Variants in INVS observed in about 807,000 individuals in gnomAD.
INVS encodes the protein inversion of embryo turning homolog.
INVS carries 86 observed loss-of-function variants against 108.8 expected under a neutral mutation model. That is an observed-to-expected ratio of 0.79 (90% CI 0.66 to 0.95). The LOEUF (loss-of-function observed/expected upper bound fraction) is 0.95. Among genes scored for constraint, INVS ranks in the 40% least tolerant of loss-of-function variants. INVS has a pLI of 0.00. For missense variants in INVS, 1,169 were observed against 1,297.4 expected, an observed-to-expected ratio of 0.90 and a Z score of 1.52; for synonymous variants, 455 against 473.5, an observed-to-expected ratio of 0.96 and a Z score of 0.51.
chr9:100,168,607 A>T (rs1268169469), intron 3 of INVS, among the ~76,000 whole-genome samples: 1 of 152,074 alleles, frequency 6.6e-6, no homozygotes, highest in Admixed American at 6.5e-5. Flanking sequence ...GATTGAGAAT[A>T]GGGAGGGTGG....
chr9:100,259,607 G>C (rs1832545015), intron 10 of INVS, among the ~76,000 whole-genome samples: 1 of 135,660 alleles, frequency 7.4e-6, no homozygotes, highest in African/African-American at 2.8e-5. Context: ...GTGCAATCTT[G>C]GCTCACTGCA....
At chr9:100,171,804 T>C (rs1829551611) in intron 3 of INVS, among the ~76,000 whole-genome samples, 1 of 152,184 alleles carries the variant, frequency 6.6e-6, no homozygotes, top group East Asian at 1.9e-4. Context: ...CATCTCTTTC[T>C]TTTCTCTGAT....
intron 4 of INVS, among the ~76,000 whole-genome samples, chr9:100,227,521 A>G (rs1212763428): frequency 1.3e-5 from 2 of 152,156 alleles, no homozygotes; most frequent in African/African-American, 4.8e-5. Flanking sequence ...AGAACAGCAG[A>G]AGAGATTTTA....
Position 100,300,922 on chromosome 9 carries a change from C to T in INVS, c.*248C>T, listed in dbSNP as rs771146461. 13 of 533,618 alleles carry T rather than the reference C, an allele frequency of 2.4e-5. No individual in the cohort carries two copies. The highest frequency in any genetic ancestry group is 3.7e-5 in the Non-Finnish European group (11 of 296,138). 33.1% of individuals were successfully genotyped at this position (533,618 alleles called of 1,614,324 possible). A position where few individuals can be genotyped will look rare whatever the true frequency, so the allele number is the denominator to read the frequency against. On this transcript the variant is annotated 3_prime_UTR_variant, in exon 17 of 17. Transcript: ENST00000262457. ...GCATAGACTATGTCTGTGCAAAGTG[C>T]CTGAGTGTCTGCTTTCACCTCAGTC...
intron 10 of INVS, among the ~76,000 whole-genome samples, chr9:100,259,059 C>A (rs968929644): frequency 6.6e-6 from 1 of 152,144 alleles, no homozygotes; most frequent in Non-Finnish European, 1.5e-5. Context: ...CTGCGGTGGG[C>A]TCCACCCAGT....
intron 2 of INVS, 133 bp from the exon 3 acceptor site, chr9:100,126,250 T>C: frequency 1.3e-6 from 1 of 748,004 alleles, no homozygotes; most frequent in South Asian, 1.7e-5. Context: ...TATCTACTTC[T>C]TAGGACAAGT....
In INVS at chr9:100,210,779, A is replaced by G. The variant is rs568755891; in HGVS notation, c.274-15283A>G. On this transcript the variant is annotated intron_variant, in intron 3 of 16. Coordinates refer to ENST00000262457, the MANE Select transcript of INVS (RefSeq NM_014425.5). ...AAAATAACCATTGAATGTTGAATGAATGGTTTAATTAGGTCAGTGCTTCTC... is the reference window on the plus strand; with the variant it reads ...AAAATAACCATTGAATGTTGAATGAGTGGTTTAATTAGGTCAGTGCTTCTC... Among the ~76,000 whole-genome samples, 20 of 152,280 alleles carry G rather than the reference A, an allele frequency of 1.3e-4. No homozygotes were observed. The East Asian group carries it at 3.7e-3, about 28-fold the overall frequency.
chr9:100,157,291 G>C (rs1325030708), intron 3 of INVS, among the ~76,000 whole-genome samples: 9 of 98,078 alleles, frequency 9.2e-5, no homozygotes, highest in Admixed American at 7.7e-4. Context: ...TTGAGGCAGA[G>C]TCTCACACTG....
chr9:100,162,291 G>C (rs2119015342), intron 3 of INVS, among the ~76,000 whole-genome samples: 1 of 152,278 alleles, frequency 6.6e-6, no homozygotes, highest in East Asian at 1.9e-4. Context: ...AAGTGGCTTA[G>C]ATGACAAGCA....
At chr9:100,254,692 G>GT (rs1832355587) in intron 10 of INVS, among the ~76,000 whole-genome samples, 1 of 152,250 alleles carries the variant, frequency 6.6e-6, no homozygotes, top group African/African-American at 2.4e-5. Flanking sequence ...CCCATTGCTT[G>GT]TTTTTGTCAG....
At chr9:100,224,059 A>C (rs1831229910) in intron 3 of INVS, among the ~76,000 whole-genome samples, 1 of 152,226 alleles carries the variant, frequency 6.6e-6, no homozygotes, top group Non-Finnish European at 1.5e-5. Context: ...ACAAAAAAAA[A>C]CACGCAAAAA....
rs769810980 is a variant in INVS at position 100,284,527 on chromosome 9, G to T, written c.1992G>T (p.Gly664=). 6.2e-7 allele frequency: 1 copy of T among 1,614,022 alleles called. No homozygotes were observed. The highest frequency in any genetic ancestry group is 8.5e-7 in the Non-Finnish European group (1 of 1,179,924). Residue 664 remains glycine, a synonymous_variant, in exon 13 of 17, where the codon GGG becomes GGT. Coordinates refer to ENST00000262457, the MANE Select transcript of INVS (RefSeq NM_014425.5). ...EPRDSRGSPG[G]SLGGALQKEQ... ...GAGACAGCAGAGGATCTCCAGGAGG[G>T]TCTCTAGGCGGAGCCCTCCAGAAGG...
intron 5 of INVS, among the ~76,000 whole-genome samples, chr9:100,235,433 C>A (rs141185460): frequency 3.3e-5 from 5 of 152,030 alleles, no homozygotes; most frequent in Non-Finnish European, 5.9e-5. Flanking sequence ...TTATTTTGTA[C>A]GCTAGTTGAT....
intron 3 of INVS, chr9:100,214,929 T>A (rs1338468860): frequency 1.3e-5 from 2 of 152,264 alleles, no homozygotes; most frequent in Admixed American, 1.3e-4. Flanking sequence ...TCCTAGGGGC[T>A]GAAGTTGTTG....
chr9:100,209,924 A>G (rs1371274536), intron 3 of INVS, among the ~76,000 whole-genome samples: 2 of 152,104 alleles, frequency 1.3e-5, no homozygotes, highest in Non-Finnish European at 2.9e-5. Flanking sequence ...CTCTATCCTC[A>G]GACATACTGT....
In INVS at chr9:100,275,007, C is replaced by T. The variant is rs78994608; in HGVS notation, c.1784+1931C>T. Among the ~76,000 whole-genome samples, 1,360 of 152,288 alleles carry T rather than the reference C, an allele frequency of 8.9e-3. 18 individuals are homozygous for T. The highest frequency in any genetic ancestry group is 0.048 in the Middle Eastern group (14 of 294). ...CACTATGTACTGGAATGCTAATCAT[C>T]ATGTCAGCCTTCAGTAAATAGAGAA... is the stretch of plus-strand genomic sequence containing the variant. On this transcript the variant is annotated intron_variant, in intron 12 of 16. Coordinates refer to ENST00000262457, the MANE Select transcript of INVS (RefSeq NM_014425.5).
chr9:100,124,640 A>C (rs75527666), intron 2 of INVS, among the ~76,000 whole-genome samples: 1 of 149,362 alleles, frequency 6.7e-6, no homozygotes, highest in Non-Finnish European at 1.5e-5. Context: ...CTGATGTTCT[A>C]TTTGTTTCAT....
chr9:100,175,439 T>C (rs1829680719), intron 3 of INVS: 1 of 907,516 alleles, frequency 1.1e-6, no homozygotes, highest in African/African-American at 1.6e-5. Context: ...TGACCAGAAC[T>C]GTGTTCTCTT....
At chr9:100,178,063 A>C (rs2119061901) in intron 3 of INVS, among the ~76,000 whole-genome samples, 1 of 152,300 alleles carries the variant, frequency 6.6e-6, no homozygotes, top group Middle Eastern at 3.4e-3. Context: ...AAACTAACAA[A>C]AATAAAAGAA....
Sources: gnomAD v4.1 joint callset for allele counts (sites outside exome capture counted in the v4.1 genomes callset) on GRCh38, gnomAD v4.1.1 for gene constraint, MANE v1.5 for transcripts, NCBI Gene and HGNC (gene_info 2026-07-23, HGNC 2026-07-21) for gene names.